The following MRPL22 variants were observed in gnomAD, a reference collection of about 807,000 sequenced individuals.
The protein encoded by MRPL22 is mitochondrial ribosomal protein L22.
A neutral mutation model predicts 32.4 loss-of-function variants in MRPL22; 27 were observed. That is an observed-to-expected ratio of 0.83 (90% CI 0.61 to 1.15). The LOEUF is 1.15. Ranked by LOEUF, MRPL22 falls within the 50% of genes most tolerant of loss-of-function variation. The pLI is 0.00. For synonymous variants in MRPL22, 86 were observed against 87.3 expected, an observed-to-expected ratio of 0.99 and a Z score of 0.08; for missense variants, 239 against 260.2, an observed-to-expected ratio of 0.92 and a Z score of 0.56.
chr5:154,953,357 C>T (rs1278769287), intron 3 of MRPL22, among the ~76,000 whole-genome samples: 2 of 78,948 alleles, frequency 2.5e-5, no homozygotes, highest in East Asian at 3.4e-4. Flanking sequence ...GACTCCGTCT[C>T]AGGAGAAAAA....
In MRPL22 at chr5:154,950,833, A is replaced by G. The variant is rs1021170986; in HGVS notation, c.90A>G (p.Gln30=). 6.2e-7 allele frequency: 1 copy of G among 1,608,820 alleles called. No individual in the cohort carries two copies. The part of the protein sequence containing the change: ...RGKLALGVLP[Q]SYIHTSASLD... The stretch of plus-strand genomic sequence containing the variant: ...TTTCATTTCACAGTGTTTTACCTCA[A>G]TCATATATCCACACAAGTGCTTCTC... The change falls in exon 3 of 7, where the codon CAA becomes CAG. Residue 30 remains glutamine (Q), a synonymous_variant. Coordinates refer to ENST00000523037, the MANE Select transcript of MRPL22 (RefSeq NM_014180.4).
intron 5 of MRPL22, among the ~76,000 whole-genome samples, chr5:154,958,538 C>CTTTTTTTT (rs201113350): frequency 2.3e-4 from 19 of 83,300 alleles, no homozygotes; most frequent in Non-Finnish European, 3.0e-4. Context: ...TGACAATTGT[C>CTTTTTTTT]TTTTTTTTTT....
intron 6 of MRPL22, among the ~76,000 whole-genome samples, chr5:154,960,482 T>G (rs1176260919): frequency 6.6e-6 from 1 of 152,228 alleles, no homozygotes; most frequent in Non-Finnish European, 1.5e-5. Flanking sequence ...GTCCTGTAAT[T>G]TAACCTTACA....
chr5:154,957,917 T>TC (rs1270248662), intron 5 of MRPL22, among the ~76,000 whole-genome samples: 10 of 144,380 alleles, frequency 6.9e-5, no homozygotes, highest in Admixed American at 5.5e-4. Flanking sequence ...TATTTTTCTT[T>TC]TTTTTTTTTT....
intron 2 of MRPL22, among the ~76,000 whole-genome samples, chr5:154,943,791 A>T (rs1034671070): frequency 1.5e-4 from 23 of 151,716 alleles, no homozygotes; most frequent in South Asian, 4.2e-4. Context: ...TCAGCCTCCC[A>T]AGCAGCTGGG....
chr5:154,956,557 A>T (rs1764633579), intron 4 of MRPL22, 121 bp downstream of exon 4: 1 of 660,126 alleles, frequency 1.5e-6, no homozygotes, highest in Non-Finnish European at 2.6e-6. Context: ...ATGTGATATA[A>T]TTGGTAGGTT....
chr5:154,956,395 A>C lies in MRPL22; in HGVS notation c.220A>C (p.Ile74Leu), dbSNP rs1764631141. The stretch of plus-strand genomic sequence containing the variant: ...GGAAATCTACCACTGTCGAAGACAA[A>C]TAAAATATAGCAAAGACAAGATGTG... ...PAEIYHCRRQ[I>L]KYSKDKMWYL... is the part of the protein sequence containing the mutation. The change falls in exon 4 of 7, where the codon ATA (isoleucine) becomes CTA (leucine). Residue 74 changes from isoleucine (I) to leucine (L), a missense_variant. Physicochemically the swap from Ile to Leu is conservative, Grantham distance 5 (BLOSUM62 2). Transcript: ENST00000523037. 1 of 1,610,824 alleles carries C rather than the reference A, an allele frequency of 6.2e-7. No individual in the cohort carries two copies. The highest frequency in any genetic ancestry group is 2.2e-5 in the East Asian group (1 of 44,806).
At chr5:154,955,596 T>C (rs1764620204) in intron 3 of MRPL22, 1 of 152,248 alleles carries the variant, frequency 6.6e-6, no homozygotes, top group Non-Finnish European at 1.5e-5. Flanking sequence ...TCAGTTTATA[T>C]GTAAAATGTT....
intron 3 of MRPL22, among the ~76,000 whole-genome samples, chr5:154,951,920 T>C (rs1005665952): frequency 6.7e-6 from 1 of 149,522 alleles, no homozygotes; most frequent in Admixed American, 6.7e-5. Flanking sequence ...TCTCCCTCTG[T>C]CGCCCAGGCT....
chr5:154,942,265 A>G (rs1764428167), intron 2 of MRPL22, among the ~76,000 whole-genome samples: 2 of 152,226 alleles, frequency 1.3e-5, no homozygotes, highest in Non-Finnish European at 2.9e-5. Flanking sequence ...TTAAAAAGGA[A>G]ATTCAAACAA....
intron 6 of MRPL22, among the ~76,000 whole-genome samples, chr5:154,965,021 C>G (rs752719276): frequency 1.3e-5 from 2 of 152,104 alleles, no homozygotes; most frequent in African/African-American, 2.4e-5. Flanking sequence ...AATTTGTAAA[C>G]TCATTTTTTC....
chr5:154,947,977 G>T (rs1053795417), intron 2 of MRPL22, among the ~76,000 whole-genome samples: 1 of 152,206 alleles, frequency 6.6e-6, no homozygotes, highest in Non-Finnish European at 1.5e-5. Flanking sequence ...ACATCTATGT[G>T]GCTAGGCTAT....
intron 6 of MRPL22, among the ~76,000 whole-genome samples, chr5:154,965,644 C>T (rs1270687087): frequency 6.6e-6 from 1 of 152,108 alleles, no homozygotes; most frequent in Admixed American, 6.5e-5. Flanking sequence ...CAAGGTTAAA[C>T]TCCTGACCTT....
intron 2 of MRPL22, among the ~76,000 whole-genome samples, chr5:154,948,519 C>T (rs957123246): frequency 6.6e-6 from 1 of 152,156 alleles, no homozygotes; most frequent in African/African-American, 2.4e-5. Context: ...TATTACGTAA[C>T]ATGTTGTCTT....
At chr5:154,949,968 A>C (rs1764537585) in intron 2 of MRPL22, among the ~76,000 whole-genome samples, 1 of 152,136 alleles carries the variant, frequency 6.6e-6, no homozygotes, top group South Asian at 2.1e-4. Context: ...CATTCCTCTG[A>C]TAATTAGTGT....
intron 3 of MRPL22, among the ~76,000 whole-genome samples, chr5:154,951,881 TA>T (rs952888323): frequency 2.7e-5 from 4 of 149,236 alleles, no homozygotes; most frequent in East Asian, 2.0e-4. Flanking sequence ...TGAAATCACG[TA>T]TTTTTTTTTT....
At chr5:154,943,151 T>G (rs1276921262) in intron 2 of MRPL22, among the ~76,000 whole-genome samples, 1 of 152,162 alleles carries the variant, frequency 6.6e-6, no homozygotes, top group African/African-American at 2.4e-5. Context: ...TTTTCCTTTT[T>G]TTTTTGGAGA....
At chr5:154,943,689 T>G (rs1361032312) in intron 2 of MRPL22, among the ~76,000 whole-genome samples, 1 of 151,876 alleles carries the variant, frequency 6.6e-6, no homozygotes, top group African/African-American at 2.4e-5. Context: ...TTTTTTTTTT[T>G]TTAAAGACAG....
At chr5:154,959,431 C>T (rs1238178843) in intron 5 of MRPL22, among the ~76,000 whole-genome samples, 2 of 152,084 alleles carry the variant, frequency 1.3e-5, no homozygotes, top group East Asian at 1.9e-4. Context: ...GCAGCCTCCA[C>T]CTCCTGGGTT....
Sources: allele counts gnomAD v4.1 joint callset (sites outside exome capture counted in the v4.1 genomes callset), GRCh38; gene constraint gnomAD v4.1.1; transcripts MANE v1.5; gene names NCBI Gene and HGNC (gene_info 2026-07-23, HGNC 2026-07-21).